TMEM132C: variants seen among roughly 807,000 people sequenced by gnomAD.
TMEM132C encodes transmembrane protein 132C.
A neutral mutation model predicts 61.4 loss-of-function variants in TMEM132C; 29 were observed. That is an observed-to-expected ratio of 0.47 (90% CI 0.35 to 0.64). The LOEUF is 0.64. Among genes scored for constraint, TMEM132C ranks in the 30% least tolerant of loss-of-function variants. The pLI is 0.00. For missense variants in TMEM132C, 1,408 were observed against 1,476.9 expected (o/e 0.95, Z 0.76); for synonymous variants, 656 against 633.1 (o/e 1.04, Z -0.54).
In TMEM132C at chr12:128,546,412, G is replaced by A. The variant is rs189852970; in HGVS notation, c.1121+2309G>A. On this transcript the variant is annotated intron_variant, in intron 3 of 8. Coordinates refer to ENST00000435159, the MANE Select transcript of TMEM132C (RefSeq NM_001136103.3). ...TAGTTCTTCACATGGGAACCTGAAT[G>A]AGAAGCAGAGCGAGGGAGATGAGCC... is the stretch of plus-strand genomic sequence containing the variant. Among the ~76,000 whole-genome samples the A allele has an allele frequency of 2.6e-5, 4 of 152,308 alleles. No homozygotes were observed. In the East Asian group the frequency reaches 5.8e-4, roughly 22 times the overall value.
At chr12:128,289,271 C>T (rs7306399) in intron 1 of TMEM132C, among the ~76,000 whole-genome samples, 1,609 of 152,328 alleles carry the variant, frequency 0.011, 25 homozygotes, top group African/African-American at 0.037. Flanking sequence ...CTTATACACA[C>T]GCACACATGC....
chr12:128,654,294 G>A (rs117430569), intron 4 of TMEM132C, among the ~76,000 whole-genome samples: 6,028 of 152,144 alleles, frequency 0.04, 153 homozygotes, highest in Non-Finnish European at 0.058. Flanking sequence ...AGATTGCAGC[G>A]TCACATACAC....
At position 128,669,469 on chromosome 12, in the gene TMEM132C, C is replaced by T; in HGVS notation, c.1358C>T (p.Pro453Leu). Reference protein sequence around the residue: ...AVLTGKTVAMPIKVVSVEENS... With the variant: ...AVLTGKTVAMLIKVVSVEENS... ...CTCACAGGAAAGACAGTTGCCATGCCTATCAAGGTGGTCTCTGTGGAGGAG... is the reference window on the plus strand; with the variant it reads ...CTCACAGGAAAGACAGTTGCCATGCTTATCAAGGTGGTCTCTGTGGAGGAG... Residue 453 changes from proline to leucine, a missense_variant, in exon 5 of 9, where the codon CCT (proline) becomes CTT (leucine). Physicochemically the swap from Pro to Leu is moderately conservative, Grantham distance 98 (BLOSUM62 -3). Transcript: ENST00000435159. The T allele has an allele frequency of 6.4e-7, 1 of 1,551,694 alleles. No homozygotes were observed. Among genetic ancestry groups the T allele is most frequent in the Non-Finnish European group, 8.7e-7 (1 of 1,146,986 alleles).
intron 1 of TMEM132C, among the ~76,000 whole-genome samples, chr12:128,338,726 C>A (rs1381620446): frequency 6.9e-6 from 1 of 145,114 alleles, no homozygotes; most frequent in Admixed American, 6.7e-5. Context: ...CACTCAGATC[C>A]TGGGCTCCTT....
At chr12:128,501,441 C>G (rs1173406988) in intron 2 of TMEM132C, among the ~76,000 whole-genome samples, 2 of 152,212 alleles carry the variant, frequency 1.3e-5, no homozygotes, top group African/African-American at 4.8e-5. Flanking sequence ...TTCATCATAG[C>G]TCCTAACTAA....
chr12:128,646,055 C>T (rs1476494339), intron 4 of TMEM132C, among the ~76,000 whole-genome samples: 3 of 146,496 alleles, frequency 2.0e-5, no homozygotes, highest in African/African-American at 7.7e-5. Flanking sequence ...GAGTGTTTAG[C>T]TCAGTTCATC....
rs1418107150 is a variant in TMEM132C at position 128,706,223 on chromosome 12, G to T, written c.3255G>T (p.Val1085=). The T allele has an allele frequency of 6.4e-7, 1 of 1,551,770 alleles. No homozygotes were observed. Among genetic ancestry groups the T allele is most frequent in the East Asian group, 2.4e-5 (1 of 40,916 alleles). ...GCAATGATGAGGACATCAAATGGGTGTGTCAAGACGTGGCTGTGGGTGCCC... is the reference window on the plus strand; with the variant it reads ...GCAATGATGAGGACATCAAATGGGTTTGTCAAGACGTGGCTGTGGGTGCCC... The part of the protein sequence containing the change: ...VSSNDEDIKW[V]CQDVAVGAPK... Residue 1085 remains valine, a synonymous_variant, in exon 9 of 9, where the codon GTG becomes GTT. Coordinates refer to ENST00000435159, the MANE Select transcript of TMEM132C (RefSeq NM_001136103.3).
At chr12:128,337,931 A>G (rs1017540137) in intron 1 of TMEM132C, among the ~76,000 whole-genome samples, 1 of 152,126 alleles carries the variant, frequency 6.6e-6, no homozygotes, top group African/African-American at 2.4e-5. Context: ...TCTTGATGTT[A>G]TAGTAACAGT....
At chr12:128,312,345 T>C (rs1193644964) in intron 1 of TMEM132C, among the ~76,000 whole-genome samples, 7 of 152,192 alleles carry the variant, frequency 4.6e-5, no homozygotes, top group Non-Finnish European at 1.0e-4. Flanking sequence ...TCTTGCTCTG[T>C]TGCCCAGGCT....
chr12:128,380,501 C>G (rs1436219299), intron 1 of TMEM132C, among the ~76,000 whole-genome samples: 2 of 152,242 alleles, frequency 1.3e-5, no homozygotes, highest in African/African-American at 4.8e-5. Context: ...AGCATCCCAT[C>G]TTTTCTAAGA....
chr12:128,644,672 A>G (rs1024704688), intron 4 of TMEM132C, among the ~76,000 whole-genome samples: 3 of 152,248 alleles, frequency 2.0e-5, no homozygotes, highest in African/African-American at 7.2e-5. Flanking sequence ...ATTGTGGTAC[A>G]GGCTACACAA....
rs143550707 is a variant in TMEM132C at position 128,640,123 on chromosome 12, A to G, written c.1305+23788A>G. 4.5e-3 allele frequency among the ~76,000 whole-genome samples: 684 copies of G among 152,352 alleles called. 4 individuals are homozygous for G. Among genetic ancestry groups the G allele is most frequent in the African/African-American group, 0.016 (646 of 41,578 alleles). On this transcript the variant is annotated intron_variant, in intron 4 of 8. Coordinates refer to ENST00000435159, the MANE Select transcript of TMEM132C (RefSeq NM_001136103.3). ...GGCTGGGGTTTACAATAATTTCTAC[A>G]AAGTCCATTTCACCTCCTTGCTTTG...
At position 128,267,315 on chromosome 12, in the gene TMEM132C, G is replaced by A. The variant is rs1870338108; in HGVS notation, c.-88G>A. On this transcript the variant is annotated 5_prime_UTR_variant, in exon 1 of 9. Coordinates refer to ENST00000435159, the MANE Select transcript of TMEM132C (RefSeq NM_001136103.3). ...CCCGGCCGACCGGGCTGCGGGAGTG[G>A]CCCCGGGCATGGGGCGGCCGGCGGG... is the stretch of plus-strand genomic sequence containing the variant. 2.3e-6 allele frequency: 2 copies of A among 857,632 alleles called. No homozygotes were observed. The highest frequency in any genetic ancestry group is 1.8e-5 in the African/African-American group (1 of 54,262). 53.1% of individuals were successfully genotyped at this position (857,632 alleles called of 1,614,324 possible).
At chr12:128,318,223 T>C (rs912234274) in intron 1 of TMEM132C, among the ~76,000 whole-genome samples, 5 of 152,228 alleles carry the variant, frequency 3.3e-5, no homozygotes, top group African/African-American at 7.2e-5. Flanking sequence ...AGGACCAGTT[T>C]TGAGTTTCCT....
chr12:128,616,058 GTTTC>G (rs1305945646), intron 3 of TMEM132C, 90 bp from the exon 4 acceptor site: 3 of 1,420,650 alleles, frequency 2.1e-6, no homozygotes, highest in East Asian at 2.5e-5. Flanking sequence ...CCTGAGATGT[GTTTC>G]TTTGTCTTTA....
chr12:128,650,181 A>C (rs1167950012), intron 4 of TMEM132C, among the ~76,000 whole-genome samples: 2 of 152,164 alleles, frequency 1.3e-5, no homozygotes, highest in Non-Finnish European at 2.9e-5. Context: ...AGGGAAGAGG[A>C]ATGAGGCTTG....
intron 2 of TMEM132C, among the ~76,000 whole-genome samples, chr12:128,497,929 G>T (rs949977117): frequency 1.3e-5 from 2 of 152,102 alleles, no homozygotes; most frequent in Admixed American, 6.5e-5. Context: ...CATGCTGGGA[G>T]CTGTAGACTG....
At chr12:128,573,370 C>T (rs1028185268) in intron 3 of TMEM132C, among the ~76,000 whole-genome samples, 14 of 151,830 alleles carry the variant, frequency 9.2e-5, no homozygotes, top group Non-Finnish European at 1.5e-4. Flanking sequence ...CCAAACACTG[C>T]ATGTTCTCAC....
At chr12:128,311,200 C>T (rs941375816) in intron 1 of TMEM132C, among the ~76,000 whole-genome samples, 2 of 152,206 alleles carry the variant, frequency 1.3e-5, no homozygotes, top group South Asian at 2.1e-4. Context: ...CCACATCTTC[C>T]GGGAGCTCTC....
Sources: gnomAD v4.1 joint callset for allele counts (sites outside exome capture counted in the v4.1 genomes callset) on GRCh38, gnomAD v4.1.1 for gene constraint, MANE v1.5 for transcripts, NCBI Gene and HGNC (gene_info 2026-07-23, HGNC 2026-07-21) for gene names.